The following ADCY1 variants were observed in gnomAD, a reference collection of about 807,000 sequenced individuals.
The protein encoded by ADCY1 is adenylate cyclase 1.
ADCY1 carries 28 observed loss-of-function variants against 105.4 expected under a neutral mutation model. The ratio of observed to expected loss-of-function variants is 0.27; its 90% CI spans 0.20 to 0.36. The LOEUF is 0.36. ADCY1 is among the 10% of genes least tolerant of loss of function. ADCY1 has a pLI of 1.00. For synonymous variants in ADCY1, 655 were observed against 623.8 expected (o/e 1.05, Z -0.75); for missense variants, 977 against 1,434.2 (o/e 0.68, Z 5.15).
At chr7:45,589,662 G>A (rs927906849) in intron 1 of ADCY1, among the ~76,000 whole-genome samples, 14 of 152,120 alleles carry the variant, frequency 9.2e-5, no homozygotes, top group African/African-American at 2.7e-4. Context: ...GGGAAAATGC[G>A]GGGGCGTGGG....
At chr7:45,610,920 G>A (rs1793558961) in intron 3 of ADCY1, among the ~76,000 whole-genome samples, 1 of 151,932 alleles carries the variant, frequency 6.6e-6, no homozygotes, top group Non-Finnish European at 1.5e-5. Context: ...ATGGAAGTAT[G>A]GAGGTGATTT....
At chr7:45,695,573 C>G (rs1463354556) in intron 14 of ADCY1, among the ~76,000 whole-genome samples, 1 of 152,200 alleles carries the variant, frequency 6.6e-6, no homozygotes, top group Non-Finnish European at 1.5e-5. Context: ...GAGGCCTGTG[C>G]TTCTCCCTCC....
intron 8 of ADCY1, among the ~76,000 whole-genome samples, chr7:45,676,048 GTT>G (rs78665932): frequency 1.4e-5 from 2 of 143,114 alleles, no homozygotes; most frequent in Non-Finnish European, 3.1e-5. Context: ...GCTCTGTTTT[GTT>G]TTTTTTTTTT....
chr7:45,594,834 C>T (rs1023597722), intron 2 of ADCY1, among the ~76,000 whole-genome samples: 4 of 152,184 alleles, frequency 2.6e-5, no homozygotes, highest in East Asian at 1.9e-4. Context: ...CCAGTTAACC[C>T]AGCCAAATGC....
Position 45,693,332 on chromosome 7 carries a change from A to G in ADCY1, c.2454+6659A>G, listed in dbSNP as rs545276184. On this transcript the variant is annotated intron_variant, in intron 14 of 19. Transcript: ENST00000297323. The stretch of plus-strand genomic sequence containing the variant: ...TGTCTCTGCCCGGCTTTGGTATCAG[A>G]ATGATGCTGGCCTCATAAAATGAGT... Among the ~76,000 whole-genome samples the G allele has an allele frequency of 6.3e-4, 92 of 145,706 alleles. 1 individual carries two copies. The Middle Eastern group carries it at 0.014, about 22-fold the overall frequency.
In ADCY1 at chr7:45,691,180, C is replaced by A. The variant is rs140055513; in HGVS notation, c.2454+4507C>A. ...CCATGTCGTTCTCCATCCAGTGACA[C>A]CCCCTAGCAATGCCCAATGAGCATA... On this transcript the variant is annotated intron_variant, in intron 14 of 19. Transcript: ENST00000297323. Among the ~76,000 whole-genome samples the A allele has an allele frequency of 1.3e-3, 203 of 152,288 alleles. 3 individuals are homozygous for A. Among genetic ancestry groups the A allele is most frequent in the African/African-American group, 4.8e-3 (198 of 41,554 alleles).
At chr7:45,663,282 G>A (rs1363423201) in intron 8 of ADCY1, among the ~76,000 whole-genome samples, 1 of 152,248 alleles carries the variant, frequency 6.6e-6, no homozygotes, top group East Asian at 1.9e-4. Flanking sequence ...TAGGCGTCAG[G>A]TGGGAGAGTG....
At chr7:45,653,412 T>C (rs1466452352) in intron 5 of ADCY1, among the ~76,000 whole-genome samples, 2 of 152,184 alleles carry the variant, frequency 1.3e-5, no homozygotes, top group Admixed American at 6.5e-5. Flanking sequence ...TGACCTTGAA[T>C]TTCCAATGGG....
chr7:45,639,006 C>T (rs1419105040), intron 4 of ADCY1, among the ~76,000 whole-genome samples: 1 of 152,132 alleles, frequency 6.6e-6, no homozygotes, highest in Non-Finnish European at 1.5e-5. Flanking sequence ...GTGTGTCCCA[C>T]ATATAAACTT....
intron 14 of ADCY1, among the ~76,000 whole-genome samples, chr7:45,694,119 A>T (rs1442004349): frequency 1.4e-4 from 4 of 28,834 alleles, no homozygotes; most frequent in Non-Finnish European, 3.5e-4. Flanking sequence ...GTATAATAAA[A>T]AAAAAAAAAA....
intron 11 of ADCY1, among the ~76,000 whole-genome samples, chr7:45,681,174 A>G (rs1322716015): frequency 6.6e-6 from 1 of 152,230 alleles, no homozygotes; most frequent in Non-Finnish European, 1.5e-5. Context: ...GTTCTAAAAA[A>G]CACATGATCT....
In ADCY1 at chr7:45,703,295, A is replaced by T; in HGVS notation, c.2455-81A>T. 2 of 1,352,122 alleles carry T rather than the reference A, an allele frequency of 1.5e-6. No individual in the cohort carries two copies. Among genetic ancestry groups the T allele is most frequent in the Middle Eastern group, 2.3e-4 (1 of 4,322 alleles). 83.8% of individuals were successfully genotyped at this position (1,352,122 alleles called of 1,614,324 possible). A position where few individuals can be genotyped will look rare whatever the true frequency, so the allele number is the denominator to read the frequency against. The stretch of plus-strand genomic sequence containing the variant: ...TCAGCACACCTGGAGTCCAGTTTGG[A>T]TGATTAGAAGGAAGTGTGCGGTGGG... On this transcript the variant is annotated intron_variant, in intron 14 of 19. Transcript: ENST00000297323. The surrounding 1 kb of genome is among the most constrained non-coding windows in gnomAD (Gnocchi z 5.9).
In ADCY1 at chr7:45,686,693, C is replaced by T; in HGVS notation, c.2454+20C>T. On this transcript the variant is annotated intron_variant, in intron 14 of 19. Coordinates refer to ENST00000297323, the MANE Select transcript of ADCY1 (RefSeq NM_021116.4). The surrounding 1 kb of genome is among the most constrained non-coding windows in gnomAD (Gnocchi z 4.3). ...GCACAGGCAAGACGAGCCCTTTCTG[C>T]TTTCTGGGGGTGGGGGATTTAGAGG... 1 of 1,580,710 alleles carries T rather than the reference C, an allele frequency of 6.3e-7. No individual in the cohort carries two copies. Among genetic ancestry groups the T allele is most frequent in the South Asian group, 1.1e-5 (1 of 87,352 alleles).
intron 14 of ADCY1, among the ~76,000 whole-genome samples, chr7:45,696,313 C>T (rs1398692876): frequency 2.0e-5 from 3 of 151,882 alleles, no homozygotes; most frequent in Non-Finnish European, 4.4e-5. Context: ...GTGGCAGGCA[C>T]CTGTGGTCCC....
In ADCY1 at chr7:45,717,652, C is replaced by G. The variant is rs1293185797; in HGVS notation, c.*3657C>G. ...TGGAAATGACCCTGTGTGCTCCCCT[C>G]GCGACCCTTGCATGCCTTTCATGCC... On this transcript the variant is annotated 3_prime_UTR_variant, in exon 20 of 20. Transcript: ENST00000297323. 2.0e-5 allele frequency: 3 copies of G among 152,226 alleles called. No homozygotes were observed. The highest frequency in any genetic ancestry group is 2.9e-5 in the Non-Finnish European group (2 of 68,068). 9.4% of individuals were successfully genotyped at this position (152,226 alleles called of 1,614,324 possible).
intron 1 of ADCY1, among the ~76,000 whole-genome samples, chr7:45,579,966 C>T (rs1029388818): frequency 7.9e-5 from 12 of 151,280 alleles, no homozygotes; most frequent in Admixed American, 7.9e-4. Flanking sequence ...CCCCTTCCCC[C>T]CTCGCCCCCA....
At chr7:45,653,219 A>G (rs759003540) in intron 5 of ADCY1, among the ~76,000 whole-genome samples, 19 of 152,170 alleles carry the variant, frequency 1.2e-4, no homozygotes, top group South Asian at 2.1e-4. Context: ...GACCCTGGAC[A>G]TGTTCCTTTT....
intron 1 of ADCY1, among the ~76,000 whole-genome samples, chr7:45,590,005 C>T (rs1258764483): frequency 4.6e-5 from 7 of 152,058 alleles, no homozygotes; most frequent in East Asian, 1.9e-4. Context: ...GGCAAGCTAA[C>T]GAAAAGAGAG....
chr7:45,610,049 G>C (rs1405424253), intron 2 of ADCY1, among the ~76,000 whole-genome samples: 3 of 152,182 alleles, frequency 2.0e-5, no homozygotes, highest in Non-Finnish European at 4.4e-5. Flanking sequence ...GGAGCAGTAG[G>C]GGGAGGGAGA....
Sources: gnomAD v4.1 joint callset for allele counts (sites outside exome capture counted in the v4.1 genomes callset) on GRCh38, gnomAD v4.1.1 for gene constraint, Gnocchi (gnomAD v3.1) non-coding constraint, MANE v1.5 for transcripts, NCBI Gene and HGNC (gene_info 2026-07-23, HGNC 2026-07-21) for gene names.